The following PIP5K1B variants were observed in gnomAD, a reference collection of about 807,000 sequenced individuals.
The protein encoded by PIP5K1B is phosphatidylinositol 4-phosphate 5-kinase type-1 beta.
A neutral mutation model predicts 67.0 loss-of-function variants in PIP5K1B; 42 were observed. The ratio of observed to expected loss-of-function variants is 0.63; its 90% CI spans 0.49 to 0.81. The LOEUF (loss-of-function observed/expected upper bound fraction) is 0.81, where lower values mean the gene tolerates loss of function less well. PIP5K1B is among the 30% of genes least tolerant of loss of function. The pLI is 0.00. For missense variants in PIP5K1B, 459 were observed against 646.3 expected (o/e 0.71, Z 3.14); for synonymous variants, 214 against 231.4 (o/e 0.92, Z 0.68).
At chr9:69,003,743 T>A (rs115039037) in intron 15 of PIP5K1B, among the ~76,000 whole-genome samples, 1,828 of 152,142 alleles carry the variant, frequency 0.012, 40 homozygotes, top group African/African-American at 0.042. Context: ...AGGAAAAAAG[T>A]TTCTTGGAAA....
At chr9:68,805,768 A>G (rs1832843202) in intron 2 of PIP5K1B, among the ~76,000 whole-genome samples, 1 of 152,196 alleles carries the variant, frequency 6.6e-6, no homozygotes, top group Non-Finnish European at 1.5e-5. Context: ...CTTATTGATA[A>G]AACATTTTCT....
At chr9:68,917,087 A>G (rs1826139448) in intron 8 of PIP5K1B, among the ~76,000 whole-genome samples, 1 of 152,170 alleles carries the variant, frequency 6.6e-6, no homozygotes. Context: ...GAGTGTGGAC[A>G]CCGGAGTTGA....
intron 1 of PIP5K1B, among the ~76,000 whole-genome samples, chr9:68,719,459 A>AAAG (rs1283166053): frequency 5.9e-5 from 9 of 152,244 alleles, no homozygotes; most frequent in Admixed American, 2.0e-4. Flanking sequence ...AATACTGAAA[A>AAAG]ATTAACTTAT....
intron 12 of PIP5K1B, among the ~76,000 whole-genome samples, chr9:68,924,075 T>G (rs1826547478): frequency 6.8e-6 from 1 of 147,956 alleles, no homozygotes. Context: ...AAGGCAGTGC[T>G]CTGAGGAAAA....
intron 2 of PIP5K1B, chr9:68,780,094 G>GTATCATTAAAA: frequency 7.5e-6 from 10 of 1,337,322 alleles, no homozygotes; most frequent in South Asian, 4.7e-5. Flanking sequence ...CAGCGGCGGC[G>GTATCATTAAAA]GCCCTGGACT....
intron 6 of PIP5K1B, among the ~76,000 whole-genome samples, chr9:68,884,597 C>T (rs189088130): frequency 8.8e-4 from 131 of 148,740 alleles, no homozygotes; most frequent in African/African-American, 2.9e-3. Flanking sequence ...CTGGGGAGGT[C>T]GAGGCTACAA....
chr9:68,992,887 A>G (rs1227229310), intron 15 of PIP5K1B, among the ~76,000 whole-genome samples: 4 of 135,532 alleles, frequency 3.0e-5, no homozygotes, highest in Non-Finnish European at 6.2e-5. Context: ...GGCTGGGCGC[A>G]GTGGCTCACG....
intron 1 of PIP5K1B, among the ~76,000 whole-genome samples, chr9:68,724,918 G>A (rs967217716): frequency 6.6e-6 from 1 of 151,906 alleles, no homozygotes; most frequent in Non-Finnish European, 1.5e-5. Flanking sequence ...CTCAAATTTT[G>A]TACAGGTTTA....
At chr9:68,828,279 G>A (rs1310433860) in intron 4 of PIP5K1B, among the ~76,000 whole-genome samples, 4 of 152,184 alleles carry the variant, frequency 2.6e-5, no homozygotes, top group African/African-American at 4.8e-5. Flanking sequence ...TTTGATGACC[G>A]CAGGCTGCCG....
intron 3 of PIP5K1B, among the ~76,000 whole-genome samples, chr9:68,819,782 C>CTGGT (rs1381845022): frequency 5.9e-5 from 9 of 152,108 alleles, no homozygotes; most frequent in Non-Finnish European, 1.0e-4. Flanking sequence ...TCCAATGCCC[C>CTGGT]TGGTTAATAG....
rs201607118 is a variant in PIP5K1B, at chr9:68,898,612, C to T, written c.771+3974C>T. On this transcript the variant is annotated intron_variant, in intron 8 of 15. Coordinates refer to ENST00000265382, the MANE Select transcript of PIP5K1B (RefSeq NM_003558.4). The stretch of plus-strand genomic sequence containing the variant: ...ATCCCAGGTACCCCTTCATCTTCCG[C>T]CAGGCCTGCACCTCTTCTAGTCTTC... 2.0e-5 allele frequency among the ~76,000 whole-genome samples: 3 copies of T among 152,300 alleles called. No individual in the cohort carries two copies. In the East Asian group the frequency reaches 5.8e-4, roughly 29 times the overall value.
chr9:68,971,571 C>T (rs1317650618), intron 14 of PIP5K1B, among the ~76,000 whole-genome samples: 4 of 152,234 alleles, frequency 2.6e-5, no homozygotes, highest in Non-Finnish European at 1.5e-5. Context: ...AACTGCCACA[C>T]TCTCTTCCAC....
At chr9:68,708,879 A>G (rs1246958919) in intron 1 of PIP5K1B, among the ~76,000 whole-genome samples, 1 of 152,226 alleles carries the variant, frequency 6.6e-6, no homozygotes, top group Non-Finnish European at 1.5e-5. Flanking sequence ...TCTGCAATTT[A>G]CATTGGGGAT....
chr9:69,001,845 A>G (rs1156533849), intron 15 of PIP5K1B, among the ~76,000 whole-genome samples: 1 of 152,210 alleles, frequency 6.6e-6, no homozygotes, highest in African/African-American at 2.4e-5. Flanking sequence ...AAGTGCTGAA[A>G]AGTCCACTGC....
intron 14 of PIP5K1B, among the ~76,000 whole-genome samples, chr9:68,961,960 C>T (rs1354598776): frequency 3.9e-5 from 6 of 152,198 alleles, no homozygotes; most frequent in East Asian, 1.9e-4. Context: ...CCTCTTACCC[C>T]GACACATGCT....
chr9:68,851,892 C>G (rs374365559), intron 4 of PIP5K1B, among the ~76,000 whole-genome samples: 2 of 152,188 alleles, frequency 1.3e-5, no homozygotes, highest in South Asian at 2.1e-4. Context: ...TGAGCCAGGC[C>G]GTGTGGCTTA....
chr9:68,952,028 CT>C (rs1828102298), intron 14 of PIP5K1B, among the ~76,000 whole-genome samples: 1 of 152,196 alleles, frequency 6.6e-6, no homozygotes, highest in African/African-American at 2.4e-5. Context: ...TTCCCACCCC[CT>C]CCTCCTACAC....
chr9:68,807,779 G>T (rs899302979), intron 2 of PIP5K1B, among the ~76,000 whole-genome samples: 2 of 152,208 alleles, frequency 1.3e-5, no homozygotes, highest in Non-Finnish European at 2.9e-5. Context: ...AGGAAAAAAA[G>T]AGGAAAATAG....
intron 2 of PIP5K1B, among the ~76,000 whole-genome samples, chr9:68,770,320 C>A (rs1830617207): frequency 6.6e-6 from 1 of 152,186 alleles, no homozygotes; most frequent in Non-Finnish European, 1.5e-5. Context: ...AGGGGAGTGG[C>A]AAGTTTAAAA....
Sources: allele counts gnomAD v4.1 joint callset (sites outside exome capture counted in the v4.1 genomes callset), GRCh38; gene constraint gnomAD v4.1.1; transcripts MANE v1.5; gene names NCBI Gene and HGNC (gene_info 2026-07-23, HGNC 2026-07-21).